The following DNAH14 variants were observed in gnomAD, a reference collection of about 807,000 sequenced individuals.
DNAH14 encodes the protein axonemal beta dynein heavy chain 14.
A neutral mutation model predicts 520.9 loss-of-function variants in DNAH14; 478 were observed. The observed-to-expected ratio is 0.92, with a 90% CI of 0.85 to 0.99. DNAH14 has a LOEUF of 0.99. Ranked by LOEUF, DNAH14 falls within the 50% of genes least tolerant of loss-of-function variation. DNAH14 has a pLI of 0.00. For missense variants in DNAH14, 4,831 were observed against 5,234.5 expected (o/e 0.92, Z 2.38); for synonymous variants, 1,581 against 1,757.2 (o/e 0.90, Z 2.51).
chr1:225,095,584 A>G (rs914185238), intron 21 of DNAH14, among the ~76,000 whole-genome samples: 9 of 152,302 alleles, frequency 5.9e-5, no homozygotes, highest in Non-Finnish European at 7.4e-5. Context: ...TAATCTGTAT[A>G]CCAAATCCCT....
At chr1:225,258,729 A>T (rs191075769) in intron 45 of DNAH14, among the ~76,000 whole-genome samples, 10 of 152,314 alleles carry the variant, frequency 6.6e-5, no homozygotes, top group Non-Finnish European at 1.5e-5. Flanking sequence ...TACTTAATGA[A>T]TTGTAAAATC....
At chr1:225,373,844 G>A (rs934321319) in intron 77 of DNAH14, among the ~76,000 whole-genome samples, 2 of 151,794 alleles carry the variant, frequency 1.3e-5, no homozygotes, top group African/African-American at 4.8e-5. Flanking sequence ...GTATGTCCCA[G>A]GGCAGGCACG....
At chr1:225,315,611 C>T (rs551733950) in intron 60 of DNAH14, among the ~76,000 whole-genome samples, 1 of 152,206 alleles carries the variant, frequency 6.6e-6, no homozygotes, top group South Asian at 2.1e-4. Flanking sequence ...TGGTGACCTT[C>T]GGATGGAGTT....
At chr1:225,074,028 C>G (rs1440506561) in intron 17 of DNAH14, among the ~76,000 whole-genome samples, 4 of 110,718 alleles carry the variant, frequency 3.6e-5, no homozygotes, top group Admixed American at 2.3e-4. Flanking sequence ...GAGACGGAGT[C>G]TCGCTCTGTC....
chr1:225,085,524 G>A lies in DNAH14; in HGVS notation c.3328-20G>A, dbSNP rs998290476. On this transcript the variant is annotated intron_variant, in intron 20 of 85. Transcript: ENST00000682510. Reference sequence around the variant, plus strand: ...ATTATTTGCTATACTGGATACTAAAGAATACTTTGTTCATTTTAGATGTTT... The same window carrying A: ...ATTATTTGCTATACTGGATACTAAAAAATACTTTGTTCATTTTAGATGTTT... The A allele has an allele frequency of 2.0e-6, 3 of 1,528,076 alleles. No homozygotes were observed. Among genetic ancestry groups the A allele is most frequent in the Admixed American group, 2.0e-5 (1 of 50,048 alleles). The allele number at this position is 1,528,076 out of a possible 1,614,324, so 94.7% of individuals were successfully genotyped here.
chr1:225,337,976 C>A (rs2150364088), intron 67 of DNAH14, 85 bp from the exon 68 acceptor site: 1 of 1,372,438 alleles, frequency 7.3e-7, no homozygotes, highest in East Asian at 2.5e-5. Flanking sequence ...CTAACTCAAC[C>A]TTTAAATGTT....
intron 21 of DNAH14, 64 bp from the exon 22 acceptor site, chr1:225,097,054 G>C: frequency 7.4e-7 from 1 of 1,351,466 alleles, no homozygotes; most frequent in Non-Finnish European, 9.9e-7. Flanking sequence ...TTTCTGTTAT[G>C]TAACTCTTAA....
At chr1:225,356,175 T>C (rs77308203) in intron 73 of DNAH14, among the ~76,000 whole-genome samples, 1 of 152,164 alleles carries the variant, frequency 6.6e-6, no homozygotes, top group East Asian at 1.9e-4. Flanking sequence ...CATTTGTTTT[T>C]TGTTTTGGTT....
At chr1:224,955,200 A>G in intron 3 of DNAH14, 102 bp downstream of exon 3, 1 of 1,189,766 alleles carries the variant, frequency 8.4e-7, no homozygotes. Context: ...CAAGTGAAAC[A>G]TATTGAAATA....
intron 71 of DNAH14, among the ~76,000 whole-genome samples, chr1:225,349,996 C>T (rs1003953934): frequency 6.6e-6 from 1 of 152,122 alleles, no homozygotes; most frequent in Non-Finnish European, 1.5e-5. Context: ...GCAGGATATA[C>T]ATTCTTCTTA....
At chr1:225,354,710 C>A (rs2095411055) in intron 73 of DNAH14, among the ~76,000 whole-genome samples, 1 of 152,098 alleles carries the variant, frequency 6.6e-6, no homozygotes, top group Non-Finnish European at 1.5e-5. Flanking sequence ...ATCCTAAATT[C>A]ATCCTTATTG....
intron 50 of DNAH14, among the ~76,000 whole-genome samples, chr1:225,271,695 A>G (rs184148725): frequency 1.7e-4 from 26 of 152,342 alleles, no homozygotes; most frequent in African/African-American, 6.0e-4. Flanking sequence ...TCAAGAGACT[A>G]GCACCAAGTG....
At chr1:224,937,887 A>G (rs145518771) in intron 1 of DNAH14, among the ~76,000 whole-genome samples, 57 of 152,298 alleles carry the variant, frequency 3.7e-4, no homozygotes, top group South Asian at 1.2e-3. Flanking sequence ...GAACCCCGGT[A>G]TAAATTCACA....
chr1:225,196,268 TGTTTGGTTTTCCATTACTG>T (rs2149372277), intron 38 of DNAH14, among the ~76,000 whole-genome samples: 1 of 152,298 alleles, frequency 6.6e-6, no homozygotes, highest in South Asian at 2.1e-4. Flanking sequence ...GAGCGTATGA[TGTTTGGTTTTCCATTACTG>T]AGTTACTTCA....
At chr1:225,079,582 T>A (rs528054577) in intron 18 of DNAH14, 34 bp downstream of exon 18, 50 of 1,461,128 alleles carry the variant, frequency 3.4e-5, no homozygotes, top group South Asian at 2.6e-4. Flanking sequence ...ATTTTTTTTT[T>A]ATTAAAAACT....
chr1:225,213,337 A>T (rs1306934232), intron 41 of DNAH14, among the ~76,000 whole-genome samples: 1 of 152,028 alleles, frequency 6.6e-6, no homozygotes, highest in Non-Finnish European at 1.5e-5. Flanking sequence ...TGAAGTCAGA[A>T]AGCATGATGC....
At chr1:225,368,676 A>C (rs2095582331) in intron 77 of DNAH14, among the ~76,000 whole-genome samples, 1 of 152,070 alleles carries the variant, frequency 6.6e-6, no homozygotes, top group Admixed American at 6.6e-5. Flanking sequence ...TTGATTACCC[A>C]TTCATTTATA....
chr1:225,013,625 G>T (rs1005292561), intron 10 of DNAH14, among the ~76,000 whole-genome samples: 18 of 152,304 alleles, frequency 1.2e-4, no homozygotes, highest in African/African-American at 4.3e-4. Context: ...GACTGGGGCT[G>T]CTGCCTTTCT....
chr1:224,997,413 A>G (rs1000207852), intron 8 of DNAH14, among the ~76,000 whole-genome samples: 1 of 151,810 alleles, frequency 6.6e-6, no homozygotes, highest in African/African-American at 2.4e-5. Flanking sequence ...AATTTCTCTT[A>G]TCCTTCAAAG....
Sources: gnomAD v4.1 joint callset for allele counts (sites outside exome capture counted in the v4.1 genomes callset) on GRCh38, gnomAD v4.1.1 for gene constraint, MANE v1.5 for transcripts, NCBI Gene and HGNC (gene_info 2026-07-23, HGNC 2026-07-21) for gene names.